The following ZNF417 variants were observed in gnomAD, a reference collection of about 807,000 sequenced individuals.
ZNF417 encodes zinc finger protein 417.
In ZNF417, 5 loss-of-function variants were observed where a neutral mutation model predicts 7.4. That is an observed-to-expected ratio of 0.68 (90% confidence interval 0.35 to 1.43). The LOEUF is 1.43. Ranked by LOEUF, ZNF417 falls within the 40% of genes most tolerant of loss-of-function variation. The pLI is 0.04. For synonymous variants in ZNF417, 147 were observed against 239.1 expected, an observed-to-expected ratio of 0.61 and a Z score of 3.55; for missense variants, 437 against 697.3, an observed-to-expected ratio of 0.63 and a Z score of 4.20.
chr19:57,910,352 C>A (rs140882456), intron 2 of ZNF417, among the ~76,000 whole-genome samples: 127 of 151,912 alleles, frequency 8.4e-4, no homozygotes, highest in African/African-American at 2.9e-3. Flanking sequence ...TCGAGACCAG[C>A]GTGACCAACA....
Position 57,908,164 on chromosome 19 carries a change from A to G in ZNF417, c.*386T>C. ...CATCTTAACTGTTTCACTGCCCAGC[A>G]ATCTATACGTATTGTCACTTGGGGA... On this transcript the variant is annotated 3_prime_UTR_variant, in exon 3 of 3. Coordinates refer to ENST00000312026, the MANE Select transcript of ZNF417 (RefSeq NM_152475.3). The G allele has an allele frequency of 7.9e-6, 2 of 254,130 alleles. No individual in the cohort carries two copies. Among genetic ancestry groups the G allele is most frequent in the Non-Finnish European group, 1.5e-5 (2 of 130,796 alleles). The allele number at this position is 254,130 out of a possible 1,614,324, so 15.7% of individuals were successfully genotyped here.
chr19:57,915,493 G>C (rs2071939785), intron 1 of ZNF417: 1 of 498,022 alleles, frequency 2.0e-6, no homozygotes, highest in East Asian at 5.6e-5. Flanking sequence ...CATCCCACGG[G>C]TGTCAGAAAC....
In ZNF417 at chr19:57,916,551, A is replaced by T; in HGVS notation, c.-140T>A. On this transcript the variant is annotated 5_prime_UTR_variant, in exon 1 of 3. Coordinates refer to ENST00000312026, the MANE Select transcript of ZNF417 (RefSeq NM_152475.3). ...TCCCCCCCCAGCACTCAGGGGCCAC[A>T]AACTGGGGAAACACCCGCGTCACCG... 2 of 1,514,624 alleles carry T rather than the reference A, an allele frequency of 1.3e-6. No homozygotes were observed. The highest frequency in any genetic ancestry group is 1.8e-6 in the Non-Finnish European group (2 of 1,133,128). The allele number at this position is 1,514,624 out of a possible 1,614,324, so 93.8% of individuals were successfully genotyped here.
In ZNF417 at chr19:57,906,866, T is replaced by C. The variant is rs1419231696; in HGVS notation, c.*1684A>G. 1.6e-5 allele frequency: 2 copies of C among 122,824 alleles called. No individual in the cohort carries two copies. Among genetic ancestry groups the C allele is most frequent in the East Asian group, 2.3e-4 (1 of 4,434 alleles). The allele number at this position is 122,824 out of a possible 1,614,324, so 7.6% of individuals were successfully genotyped here. A position where few individuals can be genotyped will look rare whatever the true frequency, so the allele number is the denominator to read the frequency against. ...TGAGATTTTTTTTTTTTTTTTTTTT[T>C]TTTTTTGAGACGGAGTCTCGCTCTG... On this transcript the variant is annotated 3_prime_UTR_variant, in exon 3 of 3. Coordinates refer to ENST00000312026, the MANE Select transcript of ZNF417 (RefSeq NM_152475.3).
rs367679011 is a variant in ZNF417, at chr19:57,912,952, C to T, written c.34-763G>A. ...ATTTCACAAGATGAAGAGGGTATAA[C>T]GGCCCATGATTCCCTTGGGAATATG... On this transcript the variant is annotated intron_variant, in intron 1 of 2. Coordinates refer to ENST00000312026, the MANE Select transcript of ZNF417 (RefSeq NM_152475.3). 3.6e-4 allele frequency among the ~76,000 whole-genome samples: 54 copies of T among 151,942 alleles called. 1 individual carries two copies. Among genetic ancestry groups the T allele is most frequent in the Middle Eastern group, 3.4e-3 (1 of 292 alleles).
At chr19:57,912,633 T>C (rs974219281) in intron 1 of ZNF417, among the ~76,000 whole-genome samples, 7 of 151,978 alleles carry the variant, frequency 4.6e-5, no homozygotes, top group African/African-American at 9.7e-5. Context: ...TTTTGAGACA[T>C]AGTCTAGCTC....
intron 1 of ZNF417, 23 bp downstream of exon 1, chr19:57,916,356 G>A (rs200943071): frequency 9.3e-6 from 15 of 1,614,058 alleles, no homozygotes; most frequent in Non-Finnish European, 1.3e-5. Flanking sequence ...GTGACCTGAG[G>A]GCACAGAAGG....
At chr19:57,910,210 A>G (rs1203814393) in intron 2 of ZNF417, 96 bp from the exon 3 acceptor site, 15 of 1,514,634 alleles carry the variant, frequency 9.9e-6, no homozygotes, top group Non-Finnish European at 1.3e-5. Flanking sequence ...GAATTAATCT[A>G]TAGAAATATT....
chr19:57,916,246 C>T, intron 1 of ZNF417, 133 bp downstream of exon 1: 3 of 1,537,632 alleles, frequency 2.0e-6, no homozygotes, highest in African/African-American at 1.4e-5. Flanking sequence ...ACACAGGGAC[C>T]CCTCCTGCGA....
Position 57,909,730 on chromosome 19 carries a change from G to C in ZNF417, c.548C>G (p.Ser183Ter), listed in dbSNP as rs747221251. Reference protein sequence around the residue: ...REFGKDVLPSSGLCQEAAAVE... With the variant: ...REFGKDVLPS ...AGCAGCTGCTTCTTGGCACAATCCT[G>C]AACTGGGCAGAACGTCCTTCCCAAA... is the stretch of plus-strand genomic sequence containing the variant. Residue 183 changes from serine to a stop codon, truncating the protein, a stop_gained, in exon 3 of 3, where the codon TCA (serine) becomes TGA (stop). Coordinates refer to ENST00000312026, the MANE Select transcript of ZNF417 (RefSeq NM_152475.3). LOFTEE classifies it low-confidence loss of function (END_TRUNC). 16 of 1,485,406 alleles carry C rather than the reference G, an allele frequency of 1.1e-5. 3 individuals carry two copies. The highest frequency in any genetic ancestry group is 1.8e-4 in the Middle Eastern group (1 of 5,442). The allele number at this position is 1,485,406 out of a possible 1,614,324, so 92.0% of individuals were successfully genotyped here.
intron 1 of ZNF417, among the ~76,000 whole-genome samples, chr19:57,916,114 C>G (rs954935294): frequency 2.6e-5 from 4 of 152,396 alleles, no homozygotes; most frequent in African/African-American, 9.6e-5. Flanking sequence ...AACAGCCTGA[C>G]GGCTCTGCGT....
chr19:57,913,365 T>C (rs1439383312), intron 1 of ZNF417, among the ~76,000 whole-genome samples: 3 of 152,220 alleles, frequency 2.0e-5, no homozygotes, highest in Admixed American at 6.5e-5. Context: ...GAACCACATA[T>C]GGCTTCAGAT....
At chr19:57,914,402 C>A (rs2071926067) in intron 1 of ZNF417, among the ~76,000 whole-genome samples, 1 of 142,946 alleles carries the variant, frequency 7.0e-6, no homozygotes, top group South Asian at 2.4e-4. Flanking sequence ...AGGAGAATCG[C>A]TTGAACCCGG....
At chr19:57,914,483 C>CA (rs528220711) in intron 1 of ZNF417, among the ~76,000 whole-genome samples, 5,812 of 57,562 alleles carry the variant, frequency 0.1, 669 homozygotes, top group Non-Finnish European at 0.13. Flanking sequence ...CGAAACTCCA[C>CA]AAAAAAAAAA....
At position 57,908,922 on chromosome 19, in the gene ZNF417, G is replaced by A. The variant is rs201296582; in HGVS notation, c.1356C>T (p.Leu452=). 15 of 1,611,234 alleles carry A rather than the reference G, an allele frequency of 9.3e-6. No homozygotes were observed. Among genetic ancestry groups the A allele is most frequent in the Middle Eastern group, 1.7e-4 (1 of 6,054 alleles). ...GKLFNRKYHL[L]VHERVHTGER... ...CTCCAGTGTGAACTCTCTCATGAAC[G>A]AGAAGATGATACTTCCTGTTAAATA... Residue 452 remains leucine (L), a synonymous_variant, in exon 3 of 3, where the codon CTC becomes CTT. Transcript: ENST00000312026.
intron 1 of ZNF417, chr19:57,915,798 T>TCCAAGAGTCTGAACCTCC (rs1270358299): frequency 9.7e-6 from 4 of 413,174 alleles, no homozygotes; most frequent in African/African-American, 4.1e-5. Context: ...AGCTTCTGAC[T>TCCAAGAGTCTGAACCTCC]CCAAGAGTCT....
chr19:57,908,834 GTA>G lies in ZNF417; in HGVS notation c.1442_1443del (p.Ile481ThrfsTer12), dbSNP rs778027697. ...CTTTCTCCAGTGTGAATCCTCTGAT[GTA>G]TAGTCACGCAGTTCTTATTACCAAA... ...KLFGNKNCVTIHQRIHTGERP... is the reference protein window; with the variant it reads ...KLFGNKNCVTXHQRIHTGERP... On this transcript the variant is annotated frameshift_variant, in exon 3 of 3. Transcript: ENST00000312026. LOFTEE classifies it low-confidence loss of function (END_TRUNC). 4 of 1,613,908 alleles carry G rather than the reference GTA, an allele frequency of 2.5e-6. No individual in the cohort carries two copies. The highest frequency in any genetic ancestry group is 3.4e-6 in the Non-Finnish European group (4 of 1,179,806).
chr19:57,910,971 G>C (rs148180953), intron 2 of ZNF417, among the ~76,000 whole-genome samples: 148 of 152,290 alleles, frequency 9.7e-4, no homozygotes, highest in African/African-American at 3.3e-3. Context: ...CTTCAACCTG[G>C]GAAGCAGAGG....
rs1197592824 is a variant in ZNF417 at position 57,912,180 on chromosome 19, C to T, written c.43G>A (p.Val15Met). The T allele has an allele frequency of 6.2e-7, 1 of 1,611,714 alleles. No homozygotes were observed. Among genetic ancestry groups the T allele is most frequent in the Non-Finnish European group, 8.5e-7 (1 of 1,179,392 alleles). Residue 15 changes from valine to methionine, a missense_variant, in exon 2 of 3, where the codon GTG becomes ATG. By Grantham distance (21) the Val-to-Met change is conservative (BLOSUM62 1). Transcript: ENST00000312026. Reference protein sequence around the residue: ...APRRPTQQGTVTFEDVAVNFS... With the variant: ...APRRPTQQGTMTFEDVAVNFS... ...TTCACAGCCACATCTTCAAAGGTCA[C>T]AGTGCCCTGCTATGATAGTGACAGA... is the stretch of plus-strand genomic sequence containing the variant.
Sources: gnomAD v4.1 joint callset for allele counts (sites outside exome capture counted in the v4.1 genomes callset) on GRCh38, gnomAD v4.1.1 for gene constraint, MANE v1.5 for transcripts, NCBI Gene and HGNC (gene_info 2026-07-23, HGNC 2026-07-21) for gene names.